The following GPC6 variants were observed in gnomAD, a reference collection of about 807,000 sequenced individuals.
GPC6 encodes glypican-6.
A neutral mutation model predicts 55.2 loss-of-function variants in GPC6; 14 were observed. The observed-to-expected ratio is 0.25, with a 90% confidence interval of 0.17 to 0.40. The LOEUF (loss-of-function observed/expected upper bound fraction) is 0.40. GPC6 is among the 10% of genes least tolerant of loss of function. The pLI, the probability that GPC6 is intolerant of heterozygous loss-of-function variation, is 1.00. For missense variants in GPC6, 641 were observed against 708.5 expected, an observed-to-expected ratio of 0.90 and a Z score of 1.08; for synonymous variants, 278 against 259.6, an observed-to-expected ratio of 1.07 and a Z score of -0.68.
chr13:94,145,521 C>T (rs889801086), intron 4 of GPC6, among the ~76,000 whole-genome samples: 1 of 151,236 alleles, frequency 6.6e-6, no homozygotes, highest in African/African-American at 2.4e-5. Flanking sequence ...CTTAAAGTCT[C>T]ATATGTGTAC....
intron 3 of GPC6, among the ~76,000 whole-genome samples, chr13:93,844,821 A>G (rs1018057066): frequency 2.0e-5 from 3 of 148,518 alleles, no homozygotes; most frequent in Non-Finnish European, 3.0e-5. Flanking sequence ...TGATTTTTGT[A>G]TAAGGTGTAA....
chr13:94,036,976 T>C (rs532841704), intron 4 of GPC6, among the ~76,000 whole-genome samples: 23 of 152,138 alleles, frequency 1.5e-4, no homozygotes, highest in East Asian at 3.9e-4. Context: ...ATCAGTTTCG[T>C]CTTTAAAATA....
intron 2 of GPC6, among the ~76,000 whole-genome samples, chr13:93,676,057 G>C (rs926148519): frequency 6.8e-6 from 1 of 146,862 alleles, no homozygotes; most frequent in Admixed American, 6.9e-5. Flanking sequence ...GATCACCTGA[G>C]GTCAGGAGTT....
chr13:94,218,291 G>T (rs1019600967), intron 4 of GPC6, among the ~76,000 whole-genome samples: 2 of 152,140 alleles, frequency 1.3e-5, no homozygotes, highest in African/African-American at 2.4e-5. Context: ...TGGGTAGTTG[G>T]TTCTGCTCCT....
At chr13:93,789,868 A>G (rs1885972310) in intron 2 of GPC6, among the ~76,000 whole-genome samples, 1 of 151,616 alleles carries the variant, frequency 6.6e-6, no homozygotes, top group African/African-American at 2.4e-5. Flanking sequence ...AGGCATAAGG[A>G]GAAACATATA....
chr13:93,265,848 A>ATATG (rs1209553602), intron 1 of GPC6, among the ~76,000 whole-genome samples: 4 of 149,464 alleles, frequency 2.7e-5, no homozygotes, highest in African/African-American at 7.4e-5. Flanking sequence ...TCGAACGCAT[A>ATATG]GCCTTGCCTC....
At chr13:94,366,704 T>C (rs920716568) in intron 6 of GPC6, among the ~76,000 whole-genome samples, 2 of 152,202 alleles carry the variant, frequency 1.3e-5, no homozygotes, top group African/African-American at 4.8e-5. Flanking sequence ...GATTTCTGCC[T>C]CTATACAGCA....
At chr13:93,457,934 A>T (rs1878527213) in intron 1 of GPC6, among the ~76,000 whole-genome samples, 1 of 152,196 alleles carries the variant, frequency 6.6e-6, no homozygotes, top group Non-Finnish European at 1.5e-5. Context: ...ATGTTGAGCC[A>T]TTAATTAGTT....
intron 2 of GPC6, among the ~76,000 whole-genome samples, chr13:93,672,114 A>G (rs1289406414): frequency 6.9e-6 from 1 of 145,948 alleles, no homozygotes; most frequent in Non-Finnish European, 1.5e-5. Flanking sequence ...GTCCAAGACT[A>G]TTTTTGCATT....
At chr13:93,934,687 T>C (rs145149531) in intron 3 of GPC6, among the ~76,000 whole-genome samples, 64 of 150,932 alleles carry the variant, frequency 4.2e-4, no homozygotes, top group African/African-American at 1.6e-3. Context: ...GTTTTATATA[T>C]ATTTAAGGAT....
intron 2 of GPC6, among the ~76,000 whole-genome samples, chr13:93,796,421 C>T (rs937905145): frequency 6.6e-6 from 1 of 151,870 alleles, no homozygotes; most frequent in African/African-American, 2.4e-5. Flanking sequence ...ATTCCTTTGA[C>T]CTAGCAATCA....
At chr13:93,871,628 T>C (rs1282691340) in intron 3 of GPC6, among the ~76,000 whole-genome samples, 6 of 148,456 alleles carry the variant, frequency 4.0e-5, no homozygotes, top group Non-Finnish European at 7.6e-5. Context: ...CAAAACAGAT[T>C]GGAAGTCAGG....
intron 2 of GPC6, among the ~76,000 whole-genome samples, chr13:93,701,940 AG>A (rs1308127303): frequency 6.6e-6 from 1 of 152,008 alleles, no homozygotes; most frequent in African/African-American, 2.4e-5. Flanking sequence ...CAAATCCATC[AG>A]GGTTGGAATC....
chr13:94,242,124 T>A (rs1891072694), intron 4 of GPC6, among the ~76,000 whole-genome samples: 1 of 151,682 alleles, frequency 6.6e-6, no homozygotes. Context: ...TGTGTCCAAG[T>A]GTTCTCATTA....
At chr13:93,384,532 A>G (rs1875318407) in intron 1 of GPC6, among the ~76,000 whole-genome samples, 2 of 152,234 alleles carry the variant, frequency 1.3e-5, no homozygotes, top group Non-Finnish European at 2.9e-5. Flanking sequence ...GGTGAAACTC[A>G]TAAAATTTGC....
chr13:94,210,209 T>G (rs913280848), intron 4 of GPC6, among the ~76,000 whole-genome samples: 3 of 148,064 alleles, frequency 2.0e-5, no homozygotes, highest in Admixed American at 1.4e-4. Flanking sequence ...CAGGCTGGAG[T>G]ATAGTGGCAC....
intron 1 of GPC6, among the ~76,000 whole-genome samples, chr13:93,288,465 T>C (rs1878209170): frequency 6.6e-6 from 1 of 152,178 alleles, no homozygotes; most frequent in African/African-American, 2.4e-5. Context: ...CTTTTTTTTC[T>C]TTCTGTTTTG....
At chr13:94,011,769 C>A (rs1566284361) in intron 3 of GPC6, among the ~76,000 whole-genome samples, 1 of 152,308 alleles carries the variant, frequency 6.6e-6, no homozygotes, top group African/African-American at 2.4e-5. Flanking sequence ...TCTGCACTAG[C>A]TCTGTTGTAC....
chr13:93,376,612 C>T (rs1874909027), intron 1 of GPC6, among the ~76,000 whole-genome samples: 1 of 152,158 alleles, frequency 6.6e-6, no homozygotes, highest in Non-Finnish European at 1.5e-5. Flanking sequence ...GAACAGAACA[C>T]CCGACATGAT....
Sources: gnomAD v4.1 joint callset for allele counts (sites outside exome capture counted in the v4.1 genomes callset) on GRCh38, gnomAD v4.1.1 for gene constraint, MANE v1.5 for transcripts, NCBI Gene and HGNC (gene_info 2026-07-23, HGNC 2026-07-21) for gene names.